The following OPCML variants were observed in gnomAD, a reference collection of about 807,000 sequenced individuals.
OPCML encodes opioid-binding protein/cell adhesion molecule.
OPCML carries 13 observed loss-of-function variants against 37.8 expected under a neutral mutation model. The ratio of observed to expected loss-of-function variants is 0.34; its 90% confidence interval spans 0.22 to 0.55. OPCML has a LOEUF of 0.55. Ranked by LOEUF, OPCML falls within the 20% of genes least tolerant of loss-of-function variation. The pLI, the probability that OPCML is intolerant of heterozygous loss-of-function variation, is 0.91. For missense variants in OPCML, 341 were observed against 435.6 expected, an observed-to-expected ratio of 0.78 and a Z score of 1.93; for synonymous variants, 176 against 168.8, an observed-to-expected ratio of 1.04 and a Z score of -0.33.
intron 2 of OPCML, among the ~76,000 whole-genome samples, chr11:132,879,489 T>C (rs1943145463): frequency 6.6e-6 from 1 of 152,238 alleles, no homozygotes; most frequent in Admixed American, 6.5e-5. Flanking sequence ...AATCAGACTT[T>C]GCAAGTTATT....
At chr11:133,529,128 C>T (rs1005036575) in intron 1 of OPCML, among the ~76,000 whole-genome samples, 2 of 152,156 alleles carry the variant, frequency 1.3e-5, no homozygotes, top group East Asian at 1.9e-4. Context: ...TACTCAAATA[C>T]TCAAATACTG....
chr11:132,511,158 T>C (rs1005259337), intron 4 of OPCML, among the ~76,000 whole-genome samples: 10 of 152,170 alleles, frequency 6.6e-5, no homozygotes, highest in Non-Finnish European at 2.9e-5. Context: ...CAATTGTATC[T>C]CTGTGTATTT....
At chr11:132,546,964 T>G (rs1026327075) in intron 3 of OPCML, among the ~76,000 whole-genome samples, 3 of 152,182 alleles carry the variant, frequency 2.0e-5, no homozygotes, top group Non-Finnish European at 4.4e-5. Flanking sequence ...AGAACAATCA[T>G]TTCAAAAGAG....
intron 4 of OPCML, among the ~76,000 whole-genome samples, chr11:132,517,663 G>A (rs967407898): frequency 3.3e-5 from 5 of 152,272 alleles, no homozygotes; most frequent in African/African-American, 9.6e-5. Flanking sequence ...ATTTGATATA[G>A]CAATTGCATA....
At chr11:132,745,007 A>AGTGAACGAGCTCCTAAATATT (rs1195795809) in intron 2 of OPCML, among the ~76,000 whole-genome samples, 2 of 152,172 alleles carry the variant, frequency 1.3e-5, no homozygotes, top group East Asian at 1.9e-4. Flanking sequence ...TCATCCAGGA[A>AGTGAACGAGCTCCTAAATATT]CCACACCCCT....
chr11:133,314,540 G>T, intron 1 of OPCML, among the ~76,000 whole-genome samples: 1 of 144,994 alleles, frequency 6.9e-6, no homozygotes. Flanking sequence ...TGTTTTCCAT[G>T]CTGCCTTCCA....
At chr11:132,964,618 C>T (rs932402224) in intron 1 of OPCML, among the ~76,000 whole-genome samples, 11 of 152,138 alleles carry the variant, frequency 7.2e-5, no homozygotes, top group Admixed American at 2.6e-4. Flanking sequence ...ACCAGTCCTC[C>T]CTGTTACATC....
At chr11:133,031,665 T>C (rs1242957200) in intron 1 of OPCML, among the ~76,000 whole-genome samples, 4 of 151,940 alleles carry the variant, frequency 2.6e-5, no homozygotes, top group Non-Finnish European at 4.4e-5. Flanking sequence ...GGTGTGAGCA[T>C]GGTAATAAAA....
chr11:132,626,754 T>C (rs1457560037), intron 3 of OPCML, among the ~76,000 whole-genome samples: 2 of 149,090 alleles, frequency 1.3e-5, no homozygotes, highest in African/African-American at 5.0e-5. Flanking sequence ...TTATACACTT[T>C]CAAATTTGTT....
rs115844579 is a variant in OPCML, at chr11:132,468,051, G to T, written c.506-30692C>A. On this transcript the variant is annotated intron_variant, in intron 4 of 7. Transcript: ENST00000524381. ...GTGACCTACAGGTTGAAAGGAAGGC[G>T]TACTCCTTCATTTGGACAAAGCTAA... 6.5e-3 allele frequency among the ~76,000 whole-genome samples: 997 copies of T among 152,230 alleles called. 11 individuals carry two copies. Among genetic ancestry groups the T allele is most frequent in the African/African-American group, 0.023 (959 of 41,532 alleles).
At chr11:132,572,025 A>C (rs2096439821) in intron 3 of OPCML, among the ~76,000 whole-genome samples, 1 of 150,964 alleles carries the variant, frequency 6.6e-6, no homozygotes, top group African/African-American at 2.4e-5. Flanking sequence ...TTAGTGCTGA[A>C]CCTCTTTTCA....
intron 1 of OPCML, among the ~76,000 whole-genome samples, chr11:133,452,848 A>G (rs2136961781): frequency 6.6e-6 from 1 of 151,696 alleles, no homozygotes; most frequent in African/African-American, 2.4e-5. Context: ...TAGCATCCCA[A>G]AATTAGTTTG....
chr11:132,838,564 A>G (rs1003649824), intron 2 of OPCML, among the ~76,000 whole-genome samples: 1 of 152,272 alleles, frequency 6.6e-6, no homozygotes, highest in African/African-American at 2.4e-5. Context: ...ACTTTATTAT[A>G]TAAGACTCTT....
chr11:132,643,148 G>A (rs547924398), intron 3 of OPCML, among the ~76,000 whole-genome samples: 3 of 152,232 alleles, frequency 2.0e-5, no homozygotes, highest in Non-Finnish European at 2.9e-5. Context: ...ATGGTGGCAC[G>A]AGCCTGTAAT....
rs1189342079 is a variant in OPCML at position 133,004,292 on chromosome 11, G to T, written c.62-61282C>A. Reference sequence around the variant, plus strand: ...GCCAGAGGAAAGCAAATGTGATTTTGCTGTAGCTGTAATTTAATTTTTATT... The same window carrying T: ...GCCAGAGGAAAGCAAATGTGATTTTTCTGTAGCTGTAATTTAATTTTTATT... On this transcript the variant is annotated intron_variant, in intron 1 of 7. Coordinates refer to ENST00000524381, the MANE Select transcript of OPCML (RefSeq NM_001012393.5). 7.1e-6 allele frequency: 7 copies of T among 985,328 alleles called. No individual in the cohort carries two copies. In the East Asian group the frequency reaches 7.9e-4, roughly 112 times the overall value. 61.0% of individuals were successfully genotyped at this position (985,328 alleles called of 1,614,324 possible).
chr11:132,555,953 T>C lies in OPCML; in HGVS notation c.380-26767A>G, dbSNP rs199750036. Among the ~76,000 whole-genome samples, 2,650 of 152,200 alleles carry C rather than the reference T, an allele frequency of 0.017. 144 individuals are homozygous for C. In the East Asian group the frequency reaches 0.21, roughly 12 times the overall value. On this transcript the variant is annotated intron_variant, in intron 3 of 7. Transcript: ENST00000524381. ...TTTCAATAAAAATTTTGGATTTTTT[T>C]TTTGAGACAGGGTCTCCTTCTGTCA...
intron 2 of OPCML, among the ~76,000 whole-genome samples, chr11:132,813,975 A>G (rs1222072218): frequency 6.6e-6 from 1 of 152,194 alleles, no homozygotes. Flanking sequence ...TCGCCTTCAC[A>G]ATCACCTCTT....
At chr11:133,260,452 T>C (rs1438681876) in intron 1 of OPCML, among the ~76,000 whole-genome samples, 1 of 151,996 alleles carries the variant, frequency 6.6e-6, no homozygotes, top group Non-Finnish European at 1.5e-5. Flanking sequence ...GCCAACAGTA[T>C]AGGTACTGAT....
chr11:132,620,904 C>A (rs1939362912), intron 3 of OPCML, among the ~76,000 whole-genome samples: 1 of 152,116 alleles, frequency 6.6e-6, no homozygotes, highest in African/African-American at 2.4e-5. Flanking sequence ...AGCAGAGGAG[C>A]CAGAGATTTT....
Sources: gnomAD v4.1 joint callset for allele counts (sites outside exome capture counted in the v4.1 genomes callset) on GRCh38, gnomAD v4.1.1 for gene constraint, MANE v1.5 for transcripts, NCBI Gene and HGNC (gene_info 2026-07-23, HGNC 2026-07-21) for gene names.